Variants in ZNF709 observed in about 807,000 individuals in gnomAD.
ZNF709 encodes the protein zinc finger protein 709.
A neutral mutation model predicts 10.6 loss-of-function variants in ZNF709; 15 were observed. That is an observed-to-expected ratio of 1.41 (90% CI 0.95 to 2.18). The LOEUF is 2.18. Among genes scored for constraint, ZNF709 ranks in the 30% most tolerant of loss-of-function variants. The probability of loss-of-function intolerance (pLI) is 0.00; values close to 1 mark genes in which losing one functional copy is unlikely to be tolerated. For missense variants in ZNF709, 589 were observed against 774.0 expected (o/e 0.76, Z 2.84); for synonymous variants, 194 against 238.8 (o/e 0.81, Z 1.73).
At chr19:12,482,301 C>T (rs1970736176) in intron 1 of ZNF709, among the ~76,000 whole-genome samples, 1 of 152,100 alleles carries the variant, frequency 6.6e-6, no homozygotes, top group Non-Finnish European at 1.5e-5. Context: ...AACACATACA[C>T]AAGCTTGGGG....
rs1970521246 is a variant in ZNF709 at position 12,462,076 on chromosome 19, A to G, written c.*1920T>C. On this transcript the variant is annotated 3_prime_UTR_variant, in exon 4 of 4. Coordinates refer to ENST00000397732, the MANE Select transcript of ZNF709 (RefSeq NM_152601.4). ...GACAGAGCAAGACTCCATCTCGGAAAAAGAAAGTAAAGAAAGAAAAGAAAG... is the reference window on the plus strand; with the variant it reads ...GACAGAGCAAGACTCCATCTCGGAAGAAGAAAGTAAAGAAAGAAAAGAAAG... The G allele has an allele frequency of 6.6e-6, 1 of 152,124 alleles. No individual in the cohort carries two copies. The highest frequency in any genetic ancestry group is 2.1e-4 in the South Asian group (1 of 4,820). 9.4% of individuals were successfully genotyped at this position (152,124 alleles called of 1,614,324 possible).
chr19:12,481,160 T>A (rs1201072210), intron 1 of ZNF709: 9 of 984,262 alleles, frequency 9.1e-6, no homozygotes, highest in Middle Eastern at 5.2e-4. Context: ...CCTGAGAATG[T>A]AAATACATTC....
intron 1 of ZNF709, among the ~76,000 whole-genome samples, chr19:12,469,982 A>G (rs535683501): frequency 8.9e-4 from 136 of 152,306 alleles, no homozygotes; most frequent in African/African-American, 3.2e-3. Flanking sequence ...ATGGTTTCAT[A>G]CTGAATTTGC....
At chr19:12,470,869 G>A (rs919945324) in intron 1 of ZNF709, among the ~76,000 whole-genome samples, 3 of 150,984 alleles carry the variant, frequency 2.0e-5, no homozygotes, top group Admixed American at 6.6e-5. Flanking sequence ...AGAGCTTGCA[G>A]TGAGCCAAGA....
Position 12,463,099 on chromosome 19 carries a change from C to T in ZNF709, c.*897G>A, listed in dbSNP as rs751356718. 5 of 152,220 alleles carry T rather than the reference C, an allele frequency of 3.3e-5. No individual in the cohort carries two copies. The highest frequency in any genetic ancestry group is 7.2e-5 in the African/African-American group (3 of 41,456). The allele number at this position is 152,220 out of a possible 1,614,324, so 9.4% of individuals were successfully genotyped here. A position where few individuals can be genotyped will look rare whatever the true frequency, so the allele number is the denominator to read the frequency against. ...GCATCAGGCTTTCCCATATTATCTA[C>T]ATTTATACAGTACCTCCCTAGTGGG... is the stretch of plus-strand genomic sequence containing the variant. On this transcript the variant is annotated 3_prime_UTR_variant, in exon 4 of 4. Transcript: ENST00000397732.
In ZNF709 at chr19:12,462,477, T is replaced by C. The variant is rs546223553; in HGVS notation, c.*1519A>G. 6.6e-6 allele frequency: 1 copy of C among 152,334 alleles called. No individual in the cohort carries two copies. The highest frequency in any genetic ancestry group is 2.4e-5 in the African/African-American group (1 of 41,564). The allele number at this position is 152,334 out of a possible 1,614,324, so 9.4% of individuals were successfully genotyped here. On this transcript the variant is annotated 3_prime_UTR_variant, in exon 4 of 4. Coordinates refer to ENST00000397732, the MANE Select transcript of ZNF709 (RefSeq NM_152601.4). ...ATCTCTCTTATTAATACAAAGTCTA[T>C]TATTCAAATCACAGCCAGAAGGAAT...
chr19:12,476,993 G>A lies in ZNF709; in HGVS notation c.3+7662C>T, dbSNP rs75990731. Among the ~76,000 whole-genome samples the A allele has an allele frequency of 4.8e-3, 728 of 152,326 alleles. 3 individuals are homozygous for A. The highest frequency in any genetic ancestry group is 0.012 in the South Asian group (59 of 4,828). On this transcript the variant is annotated intron_variant, in intron 1 of 3. Transcript: ENST00000397732. Reference sequence around the variant, plus strand: ...TTCAGATTTTGCCTGCAAAGACTGTGCAACAGCAAGGCTGTTGAGGTTCCC... The same window carrying A: ...TTCAGATTTTGCCTGCAAAGACTGTACAACAGCAAGGCTGTTGAGGTTCCC...
At position 12,466,526 on chromosome 19, in the gene ZNF709, T is replaced by C. The variant is rs562854863; in HGVS notation, c.131-7A>G. The C allele has an allele frequency of 6.2e-7, 1 of 1,614,000 alleles. No homozygotes were observed. Among genetic ancestry groups the C allele is most frequent in the African/African-American group, 1.3e-5 (1 of 75,046 alleles). ...TTCTCCTCCCAGTTTTCCCCTAAAA[T>C]GCAGGCCCAGAAAAATCATTAAACC... On this transcript the variant is annotated splice_polypyrimidine_tract_variant and splice_region_variant and intron_variant, in intron 2 of 3. Coordinates refer to ENST00000397732, the MANE Select transcript of ZNF709 (RefSeq NM_152601.4).
chr19:12,473,162 T>TA (rs1970648602), intron 1 of ZNF709, among the ~76,000 whole-genome samples: 2 of 152,284 alleles, frequency 1.3e-5, no homozygotes, highest in Non-Finnish European at 1.5e-5. Context: ...TATTTGTACT[T>TA]AGACACAGAT....
At chr19:12,476,311 G>A (rs933367704) in intron 1 of ZNF709, among the ~76,000 whole-genome samples, 1 of 151,874 alleles carries the variant, frequency 6.6e-6, no homozygotes, top group Admixed American at 6.6e-5. Flanking sequence ...AGGAGTGCTT[G>A]AGCCCAGGAG....
chr19:12,482,933 T>C lies in ZNF709; in HGVS notation c.3+1722A>G, dbSNP rs138830727. Among the ~76,000 whole-genome samples the C allele has an allele frequency of 7.7e-4, 117 of 152,178 alleles. 2 individuals are homozygous for C. Among genetic ancestry groups the C allele is most frequent in the Non-Finnish European group, 1.0e-3 (69 of 68,012 alleles). ...TCTCCAGTCAAGTGACCTGGACCACTACTGATATTTACATGAGACAAACCC... is the reference window on the plus strand; with the variant it reads ...TCTCCAGTCAAGTGACCTGGACCACCACTGATATTTACATGAGACAAACCC... On this transcript the variant is annotated intron_variant, in intron 1 of 3. Transcript: ENST00000397732.
chr19:12,481,746 C>CA (rs1261055529), intron 1 of ZNF709, among the ~76,000 whole-genome samples: 1 of 151,656 alleles, frequency 6.6e-6, no homozygotes, highest in East Asian at 1.9e-4. Flanking sequence ...TGAGGATCTA[C>CA]AAAAAATTTA....
chr19:12,484,545 C>T, intron 1 of ZNF709, 110 bp downstream of exon 1: 2 of 1,467,626 alleles, frequency 1.4e-6, no homozygotes, highest in Non-Finnish European at 1.9e-6. Flanking sequence ...CTCGGGTCCA[C>T]AGACCCGGGA....
Position 12,465,399 on chromosome 19 carries a change from T to C in ZNF709, c.523A>G (p.Lys175Glu), listed in dbSNP as rs1970560425. 1 of 1,613,944 alleles carries C rather than the reference T, an allele frequency of 6.2e-7. No individual in the cohort carries two copies. The highest frequency in any genetic ancestry group is 1.3e-5 in the African/African-American group (1 of 75,052). Residue 175 changes from lysine to glutamate, a missense_variant, in exon 4 of 4, where the codon AAG becomes GAG. Lys to Glu is a moderately conservative substitution (Grantham distance 56). Transcript: ENST00000397732. ...EKPYKCKQCG[K>E]AFSWPSSFQI... ...AAGGAACTGGGCCAACTGAAAGCCT[T>C]ACCACACTGTTTACATTTATAGGGT...
At chr19:12,483,307 AT>A (rs35777030) in intron 1 of ZNF709, among the ~76,000 whole-genome samples, 3,877 of 95,200 alleles carry the variant, frequency 0.041, 142 homozygotes, top group African/African-American at 0.12. Context: ...CGCCCAGCTA[AT>A]TTTTTTTTTT....
At chr19:12,469,527 G>A (rs895284389) in intron 1 of ZNF709, among the ~76,000 whole-genome samples, 4 of 152,056 alleles carry the variant, frequency 2.6e-5, no homozygotes, top group African/African-American at 9.7e-5. Flanking sequence ...CCAGCACTTT[G>A]GGAGGCTGAG....
chr19:12,475,169 A>T (rs1970665257), intron 1 of ZNF709, among the ~76,000 whole-genome samples: 1 of 149,690 alleles, frequency 6.7e-6, no homozygotes, highest in Non-Finnish European at 1.5e-5. Flanking sequence ...GAGGCAGAAG[A>T]ATCGCTTGAA....
At chr19:12,466,900 G>A (rs776246148) in intron 1 of ZNF709, 50 bp from the exon 2 acceptor site, 23 of 1,585,218 alleles carry the variant, frequency 1.5e-5, no homozygotes, top group Non-Finnish European at 1.9e-5. Flanking sequence ...TGACAGCACT[G>A]GGGATATAAA....
intron 1 of ZNF709, among the ~76,000 whole-genome samples, chr19:12,478,798 T>C (rs188304994): frequency 1.1e-3 from 167 of 152,214 alleles, no homozygotes; most frequent in African/African-American, 3.9e-3. Context: ...GGCAGGAGCT[T>C]CTGTGGTTTG....
Sources: gnomAD v4.1 joint callset for allele counts (sites outside exome capture counted in the v4.1 genomes callset) on GRCh38, gnomAD v4.1.1 for gene constraint, MANE v1.5 for transcripts, NCBI Gene and HGNC (gene_info 2026-07-23, HGNC 2026-07-21) for gene names.